GSG1L2: variants seen among roughly 807,000 people sequenced by gnomAD.
The protein encoded by GSG1L2 is GSG1 like 2.
Under a neutral mutation model 9.0 loss-of-function variants are expected in GSG1L2, and 15 were observed. The observed-to-expected ratio is 1.67, with a 90% confidence interval of 1.12 to 2.57. GSG1L2 has a LOEUF of 2.57. GSG1L2 is among the 30% of genes most tolerant of loss of function. The pLI is 0.00. For missense variants in GSG1L2, 286 were observed against 150.3 expected, an observed-to-expected ratio of 1.90 and a Z score of -4.72; for synonymous variants, 127 against 57.9, an observed-to-expected ratio of 2.19 and a Z score of -5.41.
intron 4 of GSG1L2, chr17:9,804,937 A>G (rs1426692489): frequency 6.6e-6 from 1 of 152,250 alleles, no homozygotes; most frequent in Non-Finnish European, 1.5e-5. Flanking sequence ...TGCTGTATCA[A>G]TAAAGCAAGA....
At chr17:9,814,454 T>C (rs550121046) in intron 1 of GSG1L2, among the ~76,000 whole-genome samples, 2 of 152,224 alleles carry the variant, frequency 1.3e-5, no homozygotes, top group East Asian at 3.9e-4. Flanking sequence ...GAGAACTGCC[T>C]TTCCCACCAG....
Position 9,820,823 on chromosome 17 carries a change from T to A in GSG1L2, c.310+939A>T, listed in dbSNP as rs1197592588. On this transcript the variant is annotated intron_variant, in intron 1 of 4. Coordinates refer to ENST00000399363, the MANE Select transcript of GSG1L2 (RefSeq NM_001310219.2). This position sits in a 1 kb window ranked among gnomAD's most constrained non-coding sequence, Gnocchi z 4.9. ...ACCCCACCATGTCCAGCTAATTTTT[T>A]AAAAAAACCTTTTGTAAAGAGAGGT... Among the ~76,000 whole-genome samples, 7 of 151,960 alleles carry A rather than the reference T, an allele frequency of 4.6e-5. No homozygotes were observed. Among genetic ancestry groups the A allele is most frequent in the African/African-American group, 1.4e-4 (6 of 41,382 alleles).
At chr17:9,807,675 C>G in intron 3 of GSG1L2, 74 bp from the exon 4 acceptor site, 1 of 697,652 alleles carries the variant, frequency 1.4e-6, no homozygotes, top group Non-Finnish European at 2.6e-6. Flanking sequence ...TGTGAGTTGG[C>G]TGTAAGGAGC....
intron 1 of GSG1L2, among the ~76,000 whole-genome samples, chr17:9,817,060 C>CCACCA (rs1354740236): frequency 1.4e-5 from 2 of 146,140 alleles, no homozygotes; most frequent in African/African-American, 5.3e-5. Flanking sequence ...TGAGAAGATG[C>CCACCA]CACCACCACC....
rs1482372608 is a variant in GSG1L2, at chr17:9,816,892, G to C, written c.310+4870C>G. Among the ~76,000 whole-genome samples, 52 of 135,234 alleles carry C rather than the reference G, an allele frequency of 3.8e-4. 1 individual carries two copies. In the East Asian group the frequency reaches 7.4e-3, roughly 19 times the overall value. 88.7% of individuals were successfully genotyped at this position (135,234 alleles called of 152,430 possible). A position where few individuals can be genotyped will look rare whatever the true frequency, so the allele number is the denominator to read the frequency against. On this transcript the variant is annotated intron_variant, in intron 1 of 4. Coordinates refer to ENST00000399363, the MANE Select transcript of GSG1L2 (RefSeq NM_001310219.2). ...TGTCTGTGTGTGTATCTGTGTGTGT[G>C]TATCTGTGTGTGTGTATCTGTGTGT...
chr17:9,806,315 C>T (rs1277402249), intron 4 of GSG1L2, among the ~76,000 whole-genome samples: 2 of 152,134 alleles, frequency 1.3e-5, no homozygotes, highest in African/African-American at 4.8e-5. Context: ...TTTATCTGCC[C>T]TGTGAATAAA....
intron 1 of GSG1L2, among the ~76,000 whole-genome samples, chr17:9,821,152 A>G (rs1457321198): frequency 6.6e-6 from 1 of 152,148 alleles, no homozygotes; most frequent in Non-Finnish European, 1.5e-5. Context: ...TCTGCCTTGG[A>G]GGTTTTGCGT....
chr17:9,801,892 C>A lies in GSG1L2; in HGVS notation c.*494G>T, dbSNP rs184673449. ...TAACAGGAAACATATTTTGAAATTTCTGTCTTCTTGATTCAAATGAAAAAG... is the reference window on the plus strand; with the variant it reads ...TAACAGGAAACATATTTTGAAATTTATGTCTTCTTGATTCAAATGAAAAAG... On this transcript the variant is annotated 3_prime_UTR_variant, in exon 5 of 5. Transcript: ENST00000399363. 6.6e-6 allele frequency among the ~76,000 whole-genome samples: 1 copy of A among 152,322 alleles called. No homozygotes were observed. The highest frequency in any genetic ancestry group is 1.9e-4 in the East Asian group (1 of 5,192).
rs61628313 is a variant in GSG1L2 at position 9,803,554 on chromosome 17, C to CA, written c.624-911dup. ...ATACCAAAGGGTGTTCAAATGTTTG[C>CA]ATTATTATGAGATAAAGAGAAGGGC... is the stretch of plus-strand genomic sequence containing the variant. On this transcript the variant is annotated intron_variant, in intron 4 of 4. Transcript: ENST00000399363. Among the ~76,000 whole-genome samples, 1,211 of 152,268 alleles carry CA rather than the reference C, an allele frequency of 8.0e-3. 13 individuals carry two copies. Among genetic ancestry groups the CA allele is most frequent in the African/African-American group, 0.026 (1,073 of 41,544 alleles).
In GSG1L2 at chr17:9,808,888, G is replaced by A. The variant is rs1385941634; in HGVS notation, c.453C>T (p.Ser151=). The change falls in exon 3 of 5, where the codon AGC becomes AGT. Residue 151 remains serine (S), a synonymous_variant. Transcript: ENST00000399363. Reference sequence around the variant, plus strand: ...CCACCCTGAGCCAGTGGAACCCAGGGCTGCGACAACTCACTCTGGAGCCCA... The same window carrying A: ...CCACCCTGAGCCAGTGGAACCCAGGACTGCGACAACTCACTCTGGAGCCCA... ...ILLGSRVSCR[S]PGFHWLRVDA... 2 of 702,854 alleles carry A rather than the reference G, an allele frequency of 2.8e-6. No individual in the cohort carries two copies. Among genetic ancestry groups the A allele is most frequent in the Admixed American group, 2.0e-5 (1 of 49,994 alleles). 43.5% of individuals were successfully genotyped at this position (702,854 alleles called of 1,614,324 possible).
At chr17:9,808,752 T>C in intron 3 of GSG1L2, 78 bp downstream of exon 3, 2 of 665,724 alleles carry the variant, frequency 3.0e-6, no homozygotes, top group South Asian at 1.6e-5. Context: ...AGCCTGTTCT[T>C]TGGTAATGAG....
intron 1 of GSG1L2, among the ~76,000 whole-genome samples, chr17:9,813,059 G>C (rs899421625): frequency 6.6e-6 from 1 of 152,192 alleles, no homozygotes; most frequent in Non-Finnish European, 1.5e-5. Context: ...CATTACATTG[G>C]GGTTAGGGTT....
In GSG1L2 at chr17:9,800,646, CCA is replaced by C. The variant is rs1383057275; in HGVS notation, c.*1738_*1739del. 6.6e-6 allele frequency among the ~76,000 whole-genome samples: 1 copy of C among 152,226 alleles called. No individual in the cohort carries two copies. The highest frequency in any genetic ancestry group is 2.4e-5 in the African/African-American group (1 of 41,452). ...TTTATTTCTTCTTTGGCATCCTCAG[CCA>C]CAGTGTTCACAGGTGTTTTTCACAA... On this transcript the variant is annotated 3_prime_UTR_variant, in exon 5 of 5. Coordinates refer to ENST00000399363, the MANE Select transcript of GSG1L2 (RefSeq NM_001310219.2).
At chr17:9,821,119 G>C (rs2066587806) in intron 1 of GSG1L2, among the ~76,000 whole-genome samples, 1 of 152,216 alleles carries the variant, frequency 6.6e-6, no homozygotes, top group Non-Finnish European at 1.5e-5. Context: ...GAAAGAAATG[G>C]GGATGGGAGG....
intron 1 of GSG1L2, among the ~76,000 whole-genome samples, chr17:9,816,910 CTGTGTGTG>C (rs56337214): frequency 1.1e-4 from 10 of 94,482 alleles, no homozygotes; most frequent in African/African-American, 3.3e-4. Flanking sequence ...GTGTGTGTAT[CTGTGTGTG>C]TGTGTGTGTG....
chr17:9,819,144 T>C (rs2066579423), intron 1 of GSG1L2, among the ~76,000 whole-genome samples: 1 of 151,984 alleles, frequency 6.6e-6, no homozygotes, highest in South Asian at 2.1e-4. Flanking sequence ...TAGGATTGAG[T>C]GGAATAAAAC....
chr17:9,813,708 C>T (rs1272051526), intron 1 of GSG1L2, among the ~76,000 whole-genome samples: 2 of 152,224 alleles, frequency 1.3e-5, no homozygotes, highest in Admixed American at 6.5e-5. Flanking sequence ...CCGATCCCAA[C>T]CATACCCTGG....
In GSG1L2 at chr17:9,808,835, A is replaced by C. The variant is rs2066526305; in HGVS notation, c.506T>G (p.Leu169Arg). 1 of 702,812 alleles carries C rather than the reference A, an allele frequency of 1.4e-6. No homozygotes were observed. Among genetic ancestry groups the C allele is most frequent in the Non-Finnish European group, 2.6e-6 (1 of 384,982 alleles). 43.5% of individuals were successfully genotyped at this position (702,812 alleles called of 1,614,324 possible). A position where few individuals can be genotyped will look rare whatever the true frequency, so the allele number is the denominator to read the frequency against. ...VDALVAIFMV[L>R]AGLLGMVAHM... ...AGGATGCTGTTGGAAAGTACCTGCC[A>C]GCACCATGAAGATGGCTACCAAGGC... Residue 169 changes from leucine (L) to arginine (R), a missense_variant, in exon 3 of 5, where the codon CTG becomes CGG. Transcript: ENST00000399363.
intron 1 of GSG1L2, among the ~76,000 whole-genome samples, chr17:9,812,377 T>C (rs1201754722): frequency 6.6e-6 from 1 of 152,098 alleles, no homozygotes; most frequent in Non-Finnish European, 1.5e-5. Context: ...CCTGTTAGCT[T>C]TTATGTCCTC....
Sources: gnomAD v4.1 joint callset for allele counts (sites outside exome capture counted in the v4.1 genomes callset) on GRCh38, gnomAD v4.1.1 for gene constraint, Gnocchi (gnomAD v3.1) non-coding constraint, MANE v1.5 for transcripts, NCBI Gene and HGNC (gene_info 2026-07-23, HGNC 2026-07-21) for gene names.